LINGO2: variants seen among roughly 807,000 people sequenced by gnomAD.
LINGO2 encodes leucine rich repeat and Ig domain containing 2, also known as leucine-rich repeat and immunoglobulin-like domain-containing nogo receptor-interacting protein 2.
Under a neutral mutation model 30.6 loss-of-function variants are expected in LINGO2, and 14 were observed. That is an observed-to-expected ratio of 0.46 (90% CI 0.30 to 0.72). The LOEUF (loss-of-function observed/expected upper bound fraction) is 0.72. Ranked by LOEUF, LINGO2 falls within the 30% of genes least tolerant of loss-of-function variation. LINGO2 has a pLI of 0.07. For synonymous variants in LINGO2, 317 were observed against 288.5 expected (o/e 1.10, Z -1.00); for missense variants, 729 against 751.7 (o/e 0.97, Z 0.35).
rs1821309443 is a variant in LINGO2, at chr9:28,230,216, T to C, written c.-87+64992A>G. Among the ~76,000 whole-genome samples the C allele has an allele frequency of 2.6e-5, 4 of 151,962 alleles. No individual in the cohort carries two copies. In the South Asian group the frequency reaches 8.3e-4, roughly 32 times the overall value. ...AAAATACTATATGTGTGTGCATGTG[T>C]GTATGCAGTTAATTAAAATGTGAAA... On this transcript the variant is annotated intron_variant, in intron 4 of 5. Transcript: ENST00000379992.
chr9:28,238,463 GA>G (rs1821659542), intron 4 of LINGO2, among the ~76,000 whole-genome samples: 1 of 152,168 alleles, frequency 6.6e-6, no homozygotes, highest in East Asian at 1.9e-4. Flanking sequence ...GACCACAGCG[GA>G]ATAAAACTAG....
chr9:28,790,000 A>C, the LINGO2 span, among the ~76,000 whole-genome samples: 1 of 152,146 alleles, frequency 6.6e-6, no homozygotes, highest in Non-Finnish European at 1.5e-5. Flanking sequence ...CCCATGGTTT[A>C]ACTATCTGTG....
At chr9:28,210,495 G>A (rs140126407) in intron 4 of LINGO2, among the ~76,000 whole-genome samples, 16 of 151,732 alleles carry the variant, frequency 1.1e-4, no homozygotes, top group Middle Eastern at 6.8e-3. Context: ...CTAATGAGTT[G>A]GGAGAGAGAT....
the LINGO2 span, among the ~76,000 whole-genome samples, chr9:28,896,640 G>GA: frequency 2.6e-5 from 4 of 152,136 alleles, no homozygotes; most frequent in Admixed American, 2.6e-4. Flanking sequence ...CCTTTGGCTA[G>GA]AAGGCCATTT....
intron 1 of LINGO2, among the ~76,000 whole-genome samples, chr9:28,561,361 G>C (rs1438053389): frequency 2.6e-5 from 4 of 151,716 alleles, no homozygotes; most frequent in Non-Finnish European, 5.9e-5. Flanking sequence ...ACGAACCTGA[G>C]TATCATAGGG....
At chr9:28,691,365 A>C in the LINGO2 span, among the ~76,000 whole-genome samples, 1 of 152,192 alleles carries the variant, frequency 6.6e-6, no homozygotes, top group Non-Finnish European at 1.5e-5. Flanking sequence ...GACTGGTTGA[A>C]ACAAAACTAT....
At chr9:28,153,732 C>T (rs963088760) in intron 4 of LINGO2, among the ~76,000 whole-genome samples, 3 of 152,098 alleles carry the variant, frequency 2.0e-5, no homozygotes, top group Non-Finnish European at 4.4e-5. Flanking sequence ...AGAGAGCACT[C>T]CTCTATTCCT....
the LINGO2 span, among the ~76,000 whole-genome samples, chr9:29,146,526 G>C: frequency 5.7e-4 from 86 of 152,172 alleles, 1 homozygote; most frequent in African/African-American, 2.0e-3. Flanking sequence ...ACTATATCAA[G>C]CTATTCATTC....
chr9:27,957,053 A>C (rs888755122), intron 5 of LINGO2, among the ~76,000 whole-genome samples: 2 of 152,206 alleles, frequency 1.3e-5, no homozygotes, highest in Non-Finnish European at 2.9e-5. Context: ...TGTGATTGAC[A>C]CTGCACTCCA....
chr9:28,094,486 A>C (rs1478999248), intron 4 of LINGO2, among the ~76,000 whole-genome samples: 1 of 151,860 alleles, frequency 6.6e-6, no homozygotes, highest in African/African-American at 2.4e-5. Context: ...ATTTTGCATG[A>C]TGAAGCAATA....
intron 1 of LINGO2, among the ~76,000 whole-genome samples, chr9:28,649,056 C>A (rs1020197105): frequency 6.6e-6 from 1 of 152,042 alleles, no homozygotes. Flanking sequence ...ATTTCAACAG[C>A]ACAGCAACTC....
the LINGO2 span, among the ~76,000 whole-genome samples, chr9:28,773,793 A>C: frequency 1.3e-5 from 2 of 152,312 alleles, no homozygotes; most frequent in South Asian, 4.1e-4. Context: ...AGGGTAAAAT[A>C]TGAAGAATTA....
the LINGO2 span, among the ~76,000 whole-genome samples, chr9:28,776,640 T>C: frequency 6.6e-6 from 1 of 152,162 alleles, no homozygotes; most frequent in African/African-American, 2.4e-5. Flanking sequence ...AAGGGCACGA[T>C]GCATACCAGG....
chr9:28,496,712 T>C (rs1000648204), intron 1 of LINGO2, among the ~76,000 whole-genome samples: 1 of 152,168 alleles, frequency 6.6e-6, no homozygotes, highest in African/African-American at 2.4e-5. Flanking sequence ...TGATGTTAGC[T>C]GGTTATTTTG....
At chr9:28,990,407 G>C in the LINGO2 span, among the ~76,000 whole-genome samples, 1 of 152,216 alleles carries the variant, frequency 6.6e-6, no homozygotes, top group Non-Finnish European at 1.5e-5. Context: ...TGCCTCTGTA[G>C]GCTCCACCTC....
chr9:28,222,548 T>C (rs1240079853), intron 4 of LINGO2, among the ~76,000 whole-genome samples: 1 of 152,042 alleles, frequency 6.6e-6, no homozygotes, highest in Non-Finnish European at 1.5e-5. Flanking sequence ...AAAGTCAGCA[T>C]TACCTTAGGT....
chr9:29,060,603 C>T, the LINGO2 span, among the ~76,000 whole-genome samples: 10 of 151,786 alleles, frequency 6.6e-5, no homozygotes, highest in African/African-American at 1.5e-4. Flanking sequence ...TTTAAAGAAA[C>T]TATTACAATC....
At chr9:27,975,214 T>C (rs768665273) in intron 5 of LINGO2, among the ~76,000 whole-genome samples, 22 of 152,134 alleles carry the variant, frequency 1.4e-4, no homozygotes, top group Non-Finnish European at 2.5e-4. Flanking sequence ...AATTTAGTGA[T>C]TGAAGTTAAG....
the LINGO2 span, among the ~76,000 whole-genome samples, chr9:29,158,740 G>A: frequency 6.6e-6 from 1 of 152,134 alleles, no homozygotes; most frequent in African/African-American, 2.4e-5. Flanking sequence ...GTGTGCAAGT[G>A]TGTGTTTGTG....
Sources: gnomAD v4.1 joint callset for allele counts (sites outside exome capture counted in the v4.1 genomes callset) on GRCh38, gnomAD v4.1.1 for gene constraint, MANE v1.5 for transcripts, NCBI Gene and HGNC (gene_info 2026-07-23, HGNC 2026-07-21) for gene names.